The following AMBRA1 variants were observed in gnomAD, a reference collection of about 807,000 sequenced individuals.
The protein encoded by AMBRA1 is autophagy and beclin 1 regulator 1.
In AMBRA1, 47 loss-of-function variants were observed where a neutral mutation model predicts 125.4. The ratio of observed to expected loss-of-function variants is 0.37; its 90% CI spans 0.30 to 0.48. AMBRA1 has a LOEUF of 0.48. AMBRA1 is among the 20% of genes least tolerant of loss of function. The pLI is 0.99. For missense variants in AMBRA1, 1,331 were observed against 1,693.4 expected, an observed-to-expected ratio of 0.79 and a Z score of 3.76; for synonymous variants, 626 against 655.5, an observed-to-expected ratio of 0.95 and a Z score of 0.69.
At chr11:46,470,827 T>C (rs977692889) in intron 11 of AMBRA1, among the ~76,000 whole-genome samples, 1 of 152,126 alleles carries the variant, frequency 6.6e-6, no homozygotes, top group Non-Finnish European at 1.5e-5. Context: ...TGTTTACTCA[T>C]CAGACAAATA....
At chr11:46,580,710 A>C (rs2044139245) in intron 1 of AMBRA1, among the ~76,000 whole-genome samples, 1 of 152,174 alleles carries the variant, frequency 6.6e-6, no homozygotes. Flanking sequence ...GGACCACTGC[A>C]ATACTTCCTA....
intron 11 of AMBRA1, among the ~76,000 whole-genome samples, chr11:46,465,756 G>A (rs780201624): frequency 3.3e-5 from 5 of 152,222 alleles, no homozygotes; most frequent in Admixed American, 6.5e-5. Flanking sequence ...AAATAGTGAT[G>A]CTCATGATAA....
intron 1 of AMBRA1, among the ~76,000 whole-genome samples, chr11:46,573,664 T>A (rs2043846984): frequency 1.4e-5 from 1 of 73,624 alleles, no homozygotes; most frequent in Non-Finnish European, 2.8e-5. Flanking sequence ...ATCCTTTTTC[T>A]TTTTTTTTTT....
chr11:46,585,665 CAAAAAAAAAAAAAAAA>C (rs1157368065), intron 1 of AMBRA1, among the ~76,000 whole-genome samples: 3 of 7,600 alleles, frequency 3.9e-4, no homozygotes, highest in Non-Finnish European at 6.3e-4. Context: ...GACTCCATCT[CAAAAAAAAAAAAAAAA>C]AAAAAAAAAA....
intron 11 of AMBRA1, among the ~76,000 whole-genome samples, chr11:46,450,434 G>A (rs962030521): frequency 6.6e-6 from 1 of 151,730 alleles, no homozygotes; most frequent in Non-Finnish European, 1.5e-5. Context: ...GTGAGCACAA[G>A]ATTTTTTTTT....
chr11:46,563,773 G>A (rs921934735), intron 1 of AMBRA1, among the ~76,000 whole-genome samples: 2 of 150,904 alleles, frequency 1.3e-5, no homozygotes, highest in African/African-American at 2.4e-5. Context: ...CCTAGGAGAC[G>A]GTAGTTGCAG....
rs1282656548 is a variant in AMBRA1, at chr11:46,542,210, G to C, written c.1807C>G (p.Pro603Ala). The change falls in exon 7 of 18, where the codon CCC becomes GCC. Residue 603 changes from proline to alanine, a missense_variant. Physicochemically the swap from Pro to Ala is conservative, Grantham distance 27 (BLOSUM62 -1). Transcript: ENST00000683756. The surrounding 1 kb of genome is among the most constrained non-coding windows in gnomAD (Gnocchi z 5.9). ...GATGGCACACTCTCAAAGGAGCTGG[G>C]GACCTGCCAAGAGGAACTAGCCTCG... ...SGEASSSWQV[P>A]SSFESVPSSG... The C allele has an allele frequency of 1.2e-6, 2 of 1,614,032 alleles. No homozygotes were observed. The highest frequency in any genetic ancestry group is 1.7e-6 in the Non-Finnish European group (2 of 1,179,976).
At chr11:46,437,507 T>C (rs1947783156) in intron 12 of AMBRA1, among the ~76,000 whole-genome samples, 3 of 152,236 alleles carry the variant, frequency 2.0e-5, no homozygotes, top group Admixed American at 2.0e-4. Context: ...CCTAATGGGA[T>C]GTGGTGGCAT....
intron 7 of AMBRA1, among the ~76,000 whole-genome samples, chr11:46,520,054 G>A (rs752501415): frequency 6.6e-6 from 1 of 151,032 alleles, no homozygotes; most frequent in Non-Finnish European, 1.5e-5. Flanking sequence ...CAGGAGAATC[G>A]CTTGAACCCA....
chr11:46,495,688 C>A (rs1462411297), intron 9 of AMBRA1, among the ~76,000 whole-genome samples: 1 of 152,330 alleles, frequency 6.6e-6, no homozygotes, highest in Middle Eastern at 3.4e-3. Flanking sequence ...ACAAATTATA[C>A]ATGTACACAG....
At chr11:46,492,858 G>A (rs750376915) in intron 11 of AMBRA1, among the ~76,000 whole-genome samples, 3 of 152,148 alleles carry the variant, frequency 2.0e-5, no homozygotes, top group African/African-American at 4.8e-5. Context: ...GATCATCCTG[G>A]CTAACACGTT....
At position 46,489,396 on chromosome 11, in the gene AMBRA1, G is replaced by T. The variant is rs561458687; in HGVS notation, c.2521+4212C>A. 9.2e-5 allele frequency among the ~76,000 whole-genome samples: 14 copies of T among 152,106 alleles called. 1 individual carries two copies. The South Asian group carries it at 2.3e-3, about 25-fold the overall frequency. ...CCTGACCTCATGATCCACCTGCCTC[G>T]GCCTCCCAAAGTGCTGGGATTACAG... is the stretch of plus-strand genomic sequence containing the variant. On this transcript the variant is annotated intron_variant, in intron 11 of 17. Transcript: ENST00000683756.
intron 1 of AMBRA1, among the ~76,000 whole-genome samples, chr11:46,571,886 C>CGA (rs1242689579): frequency 4.0e-5 from 6 of 151,798 alleles, no homozygotes; most frequent in African/African-American, 7.3e-5. Context: ...GACAGGGTTT[C>CGA]ACCATGTTGG....
intron 5 of AMBRA1, among the ~76,000 whole-genome samples, chr11:46,545,147 A>G (rs1405184939): frequency 2.3e-5 from 3 of 128,658 alleles, no homozygotes; most frequent in Non-Finnish European, 4.9e-5. Flanking sequence ...TCTCCTTAAA[A>G]AAAAAAAAAA....
At position 46,397,281 on chromosome 11, in the gene AMBRA1, T is replaced by G; in HGVS notation, c.*169A>C. On this transcript the variant is annotated 3_prime_UTR_variant, in exon 18 of 18. Transcript: ENST00000683756. ...AGTTCCCCGAGGCAGGCCTTGCCCA[T>G]TTGACTGTCTTGTGCCCACTGACTG... 2.2e-6 allele frequency: 2 copies of G among 924,812 alleles called. No homozygotes were observed. Among genetic ancestry groups the G allele is most frequent in the Non-Finnish European group, 1.5e-6 (1 of 689,608 alleles). The allele number at this position is 924,812 out of a possible 1,614,324, so 57.3% of individuals were successfully genotyped here. A position where few individuals can be genotyped will look rare whatever the true frequency, so the allele number is the denominator to read the frequency against.
At chr11:46,456,198 C>A (rs1012375558) in intron 11 of AMBRA1, among the ~76,000 whole-genome samples, 1 of 152,082 alleles carries the variant, frequency 6.6e-6, no homozygotes, top group Non-Finnish European at 1.5e-5. Flanking sequence ...TTCCAAAAAA[C>A]GTAGTGTTAA....
chr11:46,525,126 C>A (rs1951912768), intron 7 of AMBRA1, among the ~76,000 whole-genome samples: 1 of 151,940 alleles, frequency 6.6e-6, no homozygotes, highest in South Asian at 2.1e-4. Flanking sequence ...CATAGGGAGA[C>A]CTCATCTCTA....
At chr11:46,472,564 GA>G (rs1949642850) in intron 11 of AMBRA1, among the ~76,000 whole-genome samples, 3 of 152,138 alleles carry the variant, frequency 2.0e-5, no homozygotes, top group African/African-American at 7.2e-5. Context: ...ATTGTATAGA[GA>G]ATTACTGAAG....
intron 9 of AMBRA1, chr11:46,494,827 T>C (rs952536283): frequency 6.6e-6 from 1 of 152,458 alleles, no homozygotes; most frequent in Non-Finnish European, 1.5e-5. Context: ...GAATACAAAG[T>C]CTGGGTGTTT....
Sources: gnomAD v4.1 joint callset for allele counts (sites outside exome capture counted in the v4.1 genomes callset) on GRCh38, gnomAD v4.1.1 for gene constraint, Gnocchi (gnomAD v3.1) non-coding constraint, MANE v1.5 for transcripts, NCBI Gene and HGNC (gene_info 2026-07-23, HGNC 2026-07-21) for gene names.